BTG4: variants seen among roughly 807,000 people sequenced by gnomAD.
The protein encoded by BTG4 is protein BTG4.
Under a neutral mutation model 19.3 loss-of-function variants are expected in BTG4, and 10 were observed. The ratio of observed to expected loss-of-function variants is 0.52; its 90% CI spans 0.32 to 0.88. BTG4 has a LOEUF of 0.88. Ranked by LOEUF, BTG4 falls within the 40% of genes least tolerant of loss-of-function variation. BTG4 has a pLI of 0.04. For synonymous variants in BTG4, 91 were observed against 95.7 expected (o/e 0.95, Z 0.29); for missense variants, 238 against 281.9 (o/e 0.84, Z 1.11).
At chr11:111,405,563 A>C in the BTG4 span, among the ~76,000 whole-genome samples, 1 of 152,094 alleles carries the variant, frequency 6.6e-6, no homozygotes, top group Non-Finnish European at 1.5e-5. Flanking sequence ...TATCTGTAGC[A>C]GACTCCAGAT....
chr11:111,507,403 A>T (rs1482855182), intron 1 of BTG4, among the ~76,000 whole-genome samples: 1 of 151,610 alleles, frequency 6.6e-6, no homozygotes, highest in African/African-American at 2.4e-5. Context: ...TTCATTTTTT[A>T]TTTTTTTAAG....
chr11:111,386,186 T>C, the BTG4 span: 7 of 152,128 alleles, frequency 4.6e-5, no homozygotes. Flanking sequence ...TTTCCAAACA[T>C]TTTTTACACA....
chr11:111,402,392 A>G, the BTG4 span, among the ~76,000 whole-genome samples: 80 of 152,338 alleles, frequency 5.3e-4, no homozygotes, highest in African/African-American at 1.9e-3. Flanking sequence ...ATTTTGTATC[A>G]ATCTAAGATT....
At chr11:111,474,395 T>A (rs778363514) in intron 5 of BTG4, among the ~76,000 whole-genome samples, 1 of 152,126 alleles carries the variant, frequency 6.6e-6, no homozygotes, top group African/African-American at 2.4e-5. Context: ...ACATCATCAA[T>A]AGTTTTCGCT....
intron 5 of BTG4, among the ~76,000 whole-genome samples, chr11:111,487,657 A>G (rs1273819316): frequency 6.6e-6 from 1 of 152,220 alleles, no homozygotes; most frequent in Non-Finnish European, 1.5e-5. Flanking sequence ...TTGGAAAGAA[A>G]GAAGTCAAAT....
chr11:111,414,000 T>A, the BTG4 span, among the ~76,000 whole-genome samples: 1 of 152,220 alleles, frequency 6.6e-6, no homozygotes. Flanking sequence ...AGTGGTGTGT[T>A]ACCCTTCTGA....
the BTG4 span, among the ~76,000 whole-genome samples, chr11:111,441,933 C>A: frequency 2.7e-5 from 4 of 150,416 alleles, no homozygotes; most frequent in Non-Finnish European, 5.9e-5. Flanking sequence ...GTGGTGCATG[C>A]CTATAATCCC....
chr11:111,438,708 T>C, the BTG4 span, among the ~76,000 whole-genome samples: 7 of 152,220 alleles, frequency 4.6e-5, no homozygotes, highest in Non-Finnish European at 7.3e-5. Context: ...GTCCTTATTC[T>C]GAATGGCCAC....
the BTG4 span, among the ~76,000 whole-genome samples, chr11:111,429,563 G>A: frequency 6.6e-6 from 1 of 152,132 alleles, no homozygotes; most frequent in Admixed American, 6.5e-5. Flanking sequence ...AGGTATCCCT[G>A]GACTTGTTGA....
At chr11:111,401,269 G>A in the BTG4 span, among the ~76,000 whole-genome samples, 2 of 151,964 alleles carry the variant, frequency 1.3e-5, no homozygotes, top group Non-Finnish European at 2.9e-5. Flanking sequence ...GGCGGATCAC[G>A]AGGTCAGGAG....
chr11:111,503,695 A>G (rs1009313275), intron 1 of BTG4, among the ~76,000 whole-genome samples: 2 of 152,166 alleles, frequency 1.3e-5, no homozygotes, highest in Non-Finnish European at 2.9e-5. Context: ...CAACATACAC[A>G]TATTTTATTT....
the BTG4 span, chr11:111,384,827 T>C: frequency 6.6e-6 from 1 of 152,126 alleles, no homozygotes; most frequent in African/African-American, 2.4e-5. Context: ...AAAATATCTT[T>C]AAAATAACAT....
intron 1 of BTG4, among the ~76,000 whole-genome samples, chr11:111,501,930 T>G (rs367809060): frequency 6.6e-6 from 1 of 152,224 alleles, no homozygotes; most frequent in African/African-American, 2.4e-5. Flanking sequence ...ACATCTACTA[T>G]GTACCCAGAA....
the BTG4 span, chr11:111,414,604 A>G: frequency 0.029 from 4,482 of 152,414 alleles, 99 homozygotes; most frequent in Middle Eastern, 0.13. Context: ...GGACAGGCTT[A>G]TGATTCTCTC....
the BTG4 span, among the ~76,000 whole-genome samples, chr11:111,403,008 A>T: frequency 3.3e-5 from 5 of 152,178 alleles, no homozygotes; most frequent in African/African-American, 1.2e-4. Flanking sequence ...CAAAGCAAAA[A>T]TTTCAGAATA....
the BTG4 span, among the ~76,000 whole-genome samples, chr11:111,412,654 AGGTTGGTAC>A: frequency 4.1e-4 from 62 of 152,218 alleles, 1 homozygote; most frequent in African/African-American, 1.4e-3. Context: ...CAGTCTTACG[AGGTTGGTAC>A]CTTCATTATC....
the BTG4 span, among the ~76,000 whole-genome samples, chr11:111,411,825 T>A: frequency 6.6e-6 from 1 of 152,236 alleles, no homozygotes; most frequent in Non-Finnish European, 1.5e-5. Flanking sequence ...TTGTTGGTCT[T>A]TTTTTATTTC....
chr11:111,485,654 T>G (rs186969205), intron 5 of BTG4, among the ~76,000 whole-genome samples: 8 of 151,974 alleles, frequency 5.3e-5, no homozygotes, highest in Admixed American at 5.2e-4. Context: ...TAAGAAAAAC[T>G]TCAAATAAAC....
the BTG4 span, among the ~76,000 whole-genome samples, chr11:111,452,961 G>A: frequency 6.6e-6 from 1 of 152,170 alleles, no homozygotes; most frequent in Admixed American, 6.5e-5. Flanking sequence ...AGGAGGAACA[G>A]AGATGAGAAG....
Sources: allele counts gnomAD v4.1 joint callset (sites outside exome capture counted in the v4.1 genomes callset), GRCh38; gene constraint gnomAD v4.1.1; transcripts MANE v1.5; gene names NCBI Gene and HGNC (gene_info 2026-07-23, HGNC 2026-07-21).